The following CBL variants were observed in gnomAD, a reference collection of about 807,000 sequenced individuals.
The protein encoded by CBL is E3 ubiquitin-protein ligase CBL.
CBL carries 45 observed loss-of-function variants against 96.9 expected under a neutral mutation model. The observed-to-expected ratio is 0.46, with a 90% CI of 0.37 to 0.60. The LOEUF is 0.60. CBL is among the 20% of genes least tolerant of loss of function. CBL has a pLI of 0.00. For synonymous variants in CBL, 420 were observed against 426.8 expected, an observed-to-expected ratio of 0.98 and a Z score of 0.20; for missense variants, 1,024 against 1,143.5, an observed-to-expected ratio of 0.90 and a Z score of 1.51.
In CBL at chr11:119,289,395, CTAAG is replaced by C. The variant is rs548422510; in HGVS notation, c.2036+1455_2036+1458del. Among the ~76,000 whole-genome samples the C allele has an allele frequency of 7.4e-4, 113 of 152,056 alleles. No homozygotes were observed. In the South Asian group the frequency reaches 0.012, roughly 17 times the overall value. On this transcript the variant is annotated intron_variant, in intron 12 of 15. Transcript: ENST00000264033. ...ACATAGAAATTTAGAATTTTTGATA[CTAAG>C]TAAGTTTTTATTATAACCAAATACC...
intron 2 of CBL, among the ~76,000 whole-genome samples, chr11:119,256,153 A>G (rs1949709278): frequency 6.6e-6 from 1 of 151,014 alleles, no homozygotes; most frequent in East Asian, 1.9e-4. Flanking sequence ...TAACGTCTAT[A>G]TGTTAAGCCT....
rs1052379429 is a variant in CBL, at chr11:119,261,948, T to C, written c.444-9787T>C. ...GTATTAGAGTCATTTAAAAATATTA[T>C]TGACTCTTGTATAAGTGATTTTTTT... On this transcript the variant is annotated intron_variant, in intron 2 of 15. Coordinates refer to ENST00000264033, the MANE Select transcript of CBL (RefSeq NM_005188.4). Among the ~76,000 whole-genome samples the C allele has an allele frequency of 8.5e-5, 13 of 152,334 alleles. No homozygotes were observed. In the East Asian group the frequency reaches 1.5e-3, roughly 18 times the overall value.
At position 119,274,821 on chromosome 11, in the gene CBL, T is replaced by A. The variant is rs1244893; in HGVS notation, c.748-11T>A. 6.2e-7 allele frequency: 1 copy of A among 1,613,448 alleles called. No individual in the cohort carries two copies. The highest frequency in any genetic ancestry group is 8.5e-7 in the Non-Finnish European group (1 of 1,179,636). On this transcript the variant is annotated splice_polypyrimidine_tract_variant and intron_variant, in intron 4 of 15. Coordinates refer to ENST00000264033, the MANE Select transcript of CBL (RefSeq NM_005188.4). ...GACCTGAATAGTCTGTGATTGATCT[T>A]GTTTCTTTAGCCCTGGTCCTCTTTG...
At chr11:119,271,079 T>G (rs1022583193) in intron 2 of CBL, among the ~76,000 whole-genome samples, 51 of 152,204 alleles carry the variant, frequency 3.4e-4, no homozygotes, top group Admixed American at 6.5e-4. Context: ...ATTTATTAGG[T>G]CTGGATACTT....
chr11:119,210,874 A>G (rs1359617498), intron 1 of CBL, among the ~76,000 whole-genome samples: 2 of 152,148 alleles, frequency 1.3e-5, no homozygotes, highest in Non-Finnish European at 2.9e-5. Flanking sequence ...TCTAGGGGAT[A>G]TGTTCAAGAC....
intron 2 of CBL, among the ~76,000 whole-genome samples, chr11:119,233,986 T>C (rs1949523598): frequency 6.6e-6 from 1 of 151,954 alleles, no homozygotes; most frequent in African/African-American, 2.4e-5. Context: ...TGTCCATCTT[T>C]TCTTTCTTTC....
chr11:119,252,904 T>TA (rs565922925), intron 2 of CBL, among the ~76,000 whole-genome samples: 80 of 149,922 alleles, frequency 5.3e-4, no homozygotes, highest in Non-Finnish European at 9.3e-4. Context: ...AAAAAAAGAT[T>TA]AAAAAAAAAT....
At chr11:119,256,426 C>T (rs926270000) in intron 2 of CBL, among the ~76,000 whole-genome samples, 5 of 152,128 alleles carry the variant, frequency 3.3e-5, no homozygotes, top group African/African-American at 1.2e-4. Flanking sequence ...GGTGATCCAC[C>T]CACCTTGGAC....
At chr11:119,216,448 T>G (rs1333048124) in intron 1 of CBL, among the ~76,000 whole-genome samples, 1 of 152,002 alleles carries the variant, frequency 6.6e-6, no homozygotes, top group Non-Finnish European at 1.5e-5. Context: ...CTCGGCTTAC[T>G]GCAACCTCCG....
At chr11:119,298,254 G>GA (rs569537153) in intron 14 of CBL, 104 bp from the exon 15 acceptor site, 46 of 987,328 alleles carry the variant, frequency 4.7e-5, no homozygotes, top group Admixed American at 3.6e-4. Context: ...TGTTGAATGA[G>GA]ATAAATGATT....
intron 1 of CBL, among the ~76,000 whole-genome samples, chr11:119,229,065 T>C (rs1015557629): frequency 6.6e-6 from 1 of 152,170 alleles, no homozygotes; most frequent in Non-Finnish European, 1.5e-5. Flanking sequence ...TCTTTCTTAA[T>C]ATAAAGCATG....
intron 12 of CBL, among the ~76,000 whole-genome samples, chr11:119,293,772 G>T (rs1219963330): frequency 6.6e-6 from 1 of 152,130 alleles, no homozygotes; most frequent in African/African-American, 2.4e-5. Flanking sequence ...TTTAGCCCAC[G>T]CTTTTGGAAG....
chr11:119,303,204 T>A lies in CBL; in HGVS notation c.*3423T>A, dbSNP rs1229415349. On this transcript the variant is annotated 3_prime_UTR_variant, in exon 16 of 16. Transcript: ENST00000264033. Reference sequence around the variant, plus strand: ...TTTTGTAGGTGTTCAGCAATGGTGATAAAGCAGAATATTCTCCTACCTCAC... The same window carrying A: ...TTTTGTAGGTGTTCAGCAATGGTGAAAAAGCAGAATATTCTCCTACCTCAC... 8.6e-6 allele frequency: 2 copies of A among 231,664 alleles called. No homozygotes were observed. The highest frequency in any genetic ancestry group is 1.7e-5 in the Non-Finnish European group (2 of 116,906). 14.4% of individuals were successfully genotyped at this position (231,664 alleles called of 1,614,324 possible).
intron 13 of CBL, 34 bp from the exon 14 acceptor site, chr11:119,297,350 C>A: frequency 6.7e-7 from 1 of 1,490,622 alleles, no homozygotes; most frequent in South Asian, 1.1e-5. Context: ...GTTCTATTTC[C>A]AAAGATCATT....
intron 1 of CBL, among the ~76,000 whole-genome samples, chr11:119,215,711 C>T (rs1403679597): frequency 6.6e-6 from 1 of 151,770 alleles, no homozygotes; most frequent in African/African-American, 2.4e-5. Context: ...CCTGTAATCC[C>T]AGCTACTCGG....
rs1949868170 is a variant in CBL, at chr11:119,273,962, G to T, written c.685G>T (p.Asp229Tyr). 6.2e-7 allele frequency: 1 copy of T among 1,613,734 alleles called. No homozygotes were observed. Among genetic ancestry groups the T allele is most frequent in the Admixed American group, 1.7e-5 (1 of 59,980 alleles). ...LEAMALKSTI[D>Y]LTCNDYISVF... ...GGCCATGGCTCTGAAATCCACTATTGATCTGACCTGCAATGATTATATTTC... is the reference window on the plus strand; with the variant it reads ...GGCCATGGCTCTGAAATCCACTATTTATCTGACCTGCAATGATTATATTTC... Residue 229 changes from aspartate (D) to tyrosine (Y), a missense_variant, in exon 4 of 16, where the codon GAT becomes TAT. Asp to Tyr is a radical substitution (Grantham distance 160). This residue lies in a region of CBL where 192 missense variants were observed against 321.8 expected (regional missense o/e 0.60). Transcript: ENST00000264033.
chr11:119,239,475 T>C (rs7107494), intron 2 of CBL, among the ~76,000 whole-genome samples: 35,047 of 152,138 alleles, frequency 0.23, 4,309 homozygotes, highest in East Asian at 0.38. Flanking sequence ...AACTTACTTA[T>C]TGGCTCTAGT....
Position 119,291,119 on chromosome 11 carries a change from G to C in CBL, c.2036+3173G>C, listed in dbSNP as rs569554844. 3.3e-5 allele frequency among the ~76,000 whole-genome samples: 5 copies of C among 152,326 alleles called. No individual in the cohort carries two copies. The East Asian group carries it at 9.6e-4, about 29-fold the overall frequency. On this transcript the variant is annotated intron_variant, in intron 12 of 15. Transcript: ENST00000264033. The stretch of plus-strand genomic sequence containing the variant: ...CCTTTAAAGGTAATGTTTCTTGGCT[G>C]TGAGTGGTGGCTCACGCCTGTAATC...
intron 6 of CBL, 92 bp from the exon 7 acceptor site, chr11:119,277,665 A>G (rs1949899984): frequency 1.2e-6 from 1 of 831,524 alleles, no homozygotes; most frequent in South Asian, 1.4e-5. Flanking sequence ...TTGCCCTTTT[A>G]GAATGGAGAA....
Sources: gnomAD v4.1 joint callset for allele counts (sites outside exome capture counted in the v4.1 genomes callset) on GRCh38, gnomAD v4.1.1 for gene constraint, gnomAD v4.1.1 regional missense constraint, MANE v1.5 for transcripts, NCBI Gene and HGNC (gene_info 2026-07-23, HGNC 2026-07-21) for gene names.